The following NEIL2 variants were observed in gnomAD, a reference collection of about 807,000 sequenced individuals.
The protein encoded by NEIL2 is endonuclease 8-like 2.
In NEIL2, 23 loss-of-function variants were observed where a neutral mutation model predicts 22.2. That is an observed-to-expected ratio of 1.04 (90% CI 0.75 to 1.47). The LOEUF (loss-of-function observed/expected upper bound fraction) is 1.47, where lower values mean the gene tolerates loss of function less well. Ranked by LOEUF, NEIL2 falls within the 40% of genes most tolerant of loss-of-function variation. NEIL2 has a pLI of 0.00. For missense variants in NEIL2, 583 were observed against 404.7 expected (o/e 1.44, Z -3.78); for synonymous variants, 229 against 164.8 (o/e 1.39, Z -2.99).
intron 2 of NEIL2, among the ~76,000 whole-genome samples, chr8:11,776,019 A>G (rs1014831387): frequency 1.3e-5 from 2 of 152,230 alleles, no homozygotes; most frequent in South Asian, 2.1e-4. Context: ...ATGTCTTTAC[A>G]GCAATGCCCC....
chr8:11,775,059 C>T (rs934195747), intron 2 of NEIL2, among the ~76,000 whole-genome samples: 2 of 152,262 alleles, frequency 1.3e-5, no homozygotes, highest in Non-Finnish European at 2.9e-5. Flanking sequence ...TGGCCCTCTT[C>T]TCACAGCTCT....
At chr8:11,782,967 G>A in intron 3 of NEIL2, 1 of 592,960 alleles carries the variant, frequency 1.7e-6, no homozygotes, top group South Asian at 1.9e-5. Flanking sequence ...ACTATGTTGT[G>A]GTAATGATGT....
chr8:11,778,093 C>T (rs1169904410), intron 2 of NEIL2, among the ~76,000 whole-genome samples: 1 of 152,188 alleles, frequency 6.6e-6, no homozygotes, highest in African/African-American at 2.4e-5. Context: ...GTCACAGGAA[C>T]CCAAAAGAGG....
chr8:11,777,540 T>G (rs1449627742), intron 2 of NEIL2, among the ~76,000 whole-genome samples: 1 of 152,074 alleles, frequency 6.6e-6, no homozygotes, highest in Non-Finnish European at 1.5e-5. Context: ...CCCCCTTTCC[T>G]CCCTCCCTGC....
chr8:11,776,124 G>T (rs1420385729), intron 2 of NEIL2, among the ~76,000 whole-genome samples: 1 of 152,222 alleles, frequency 6.6e-6, no homozygotes, highest in African/African-American at 2.4e-5. Context: ...GAGGTTTAGT[G>T]GACTCACAAT....
rs1179010067 is a variant in NEIL2 at position 11,769,813 on chromosome 8, C to T, written c.-525C>T. ...GCCGGTGAGTGCAGCCGCCCGCCCTCCGGTAGATCTGCGGCCTGGCGGAGA... is the reference window on the plus strand; with the variant it reads ...GCCGGTGAGTGCAGCCGCCCGCCCTTCGGTAGATCTGCGGCCTGGCGGAGA... On this transcript the variant is annotated 5_prime_UTR_variant, in exon 1 of 5. Transcript: ENST00000284503. The T allele has an allele frequency of 6.6e-6, 1 of 152,364 alleles. No individual in the cohort carries two copies. Among genetic ancestry groups the T allele is most frequent in the African/African-American group, 2.4e-5 (1 of 41,462 alleles). The allele number at this position is 152,364 out of a possible 1,614,324, so 9.4% of individuals were successfully genotyped here.
At position 11,779,612 on chromosome 8, in the gene NEIL2, A is replaced by G. The variant is rs147083771; in HGVS notation, c.153A>G (p.Lys51=). 3.8e-5 allele frequency: 61 copies of G among 1,612,590 alleles called. No homozygotes were observed. In the African/African-American group the frequency reaches 7.7e-4, roughly 20 times the overall value. The change falls in exon 3 of 5, where the codon AAA becomes AAG. Residue 51 remains lysine, a synonymous_variant. Coordinates refer to ENST00000284503, the MANE Select transcript of NEIL2 (RefSeq NM_145043.4). ...ATTTTTTCTAGGTCCATGGAAAGAA[A>G]TTATTCCTTAGATTTGATCTAGATG... is the stretch of plus-strand genomic sequence containing the variant. ...WLQDTQVHGK[K]LFLRFDLDEE... is the part of the protein sequence containing the mutation.
chr8:11,786,027 C>G lies in NEIL2; in HGVS notation c.753C>G (p.Val251=). The part of the protein sequence containing the change: ...AGIHPLSLGS[V]LSASRREVLV... ...TCCATCCCCTTTCTCTCGGTTCAGT[C>G]CTGAGTGCCTCGCGTCGGGAGGTCC... is the stretch of plus-strand genomic sequence containing the variant. The change falls in exon 5 of 5, where the codon GTC becomes GTG. Residue 251 remains valine (V), a synonymous_variant. Transcript: ENST00000284503. The G allele has an allele frequency of 6.2e-7, 1 of 1,614,174 alleles. No homozygotes were observed. Among genetic ancestry groups the G allele is most frequent in the Non-Finnish European group, 8.5e-7 (1 of 1,180,018 alleles).
intron 3 of NEIL2, among the ~76,000 whole-genome samples, chr8:11,780,176 G>A (rs1187893927): frequency 1.3e-5 from 2 of 152,166 alleles, no homozygotes; most frequent in Admixed American, 6.5e-5. Flanking sequence ...TGGGAGAAGG[G>A]GAGAATTTTC....
rs540096287 is a variant in NEIL2, at chr8:11,771,672, C to G, written c.138+87C>G. ...TATCCCCATATGTCTCAGGGTGTCACTTCCCTGAGTCCGGAACCACCAAGC... is the reference window on the plus strand; with the variant it reads ...TATCCCCATATGTCTCAGGGTGTCAGTTCCCTGAGTCCGGAACCACCAAGC... On this transcript the variant is annotated intron_variant, in intron 2 of 4. Coordinates refer to ENST00000284503, the MANE Select transcript of NEIL2 (RefSeq NM_145043.4). 20 of 1,406,374 alleles carry G rather than the reference C, an allele frequency of 1.4e-5. No individual in the cohort carries two copies. In the African/African-American group the frequency reaches 2.5e-4, roughly 18 times the overall value. The allele number at this position is 1,406,374 out of a possible 1,614,324, so 87.1% of individuals were successfully genotyped here. A position where few individuals can be genotyped will look rare whatever the true frequency, so the allele number is the denominator to read the frequency against.
intron 2 of NEIL2, among the ~76,000 whole-genome samples, chr8:11,778,718 A>G (rs1390266654): frequency 1.3e-5 from 2 of 152,082 alleles, no homozygotes; most frequent in Non-Finnish European, 2.9e-5. Context: ...TTGGGAGGCC[A>G]AGACGGGCAG....
intron 4 of NEIL2, 131 bp from the exon 5 acceptor site, chr8:11,785,832 C>A: frequency 1.2e-6 from 1 of 813,774 alleles, no homozygotes; most frequent in Non-Finnish European, 2.2e-6. Context: ...GAAATGGAGT[C>A]AGAGATCGCA....
At chr8:11,785,893 A>G (rs1804883873) in intron 4 of NEIL2, 70 bp from the exon 5 acceptor site, 1 of 1,421,102 alleles carries the variant, frequency 7.0e-7, no homozygotes, top group Non-Finnish European at 9.9e-7. Flanking sequence ...CTGCCTTGTT[A>G]ACTTTGTGGG....
intron 4 of NEIL2, among the ~76,000 whole-genome samples, chr8:11,783,830 T>C (rs185010057): frequency 4.6e-5 from 7 of 152,230 alleles, no homozygotes; most frequent in South Asian, 2.1e-4. Context: ...TGCTCTTGGG[T>C]GGATGGAGCT....
chr8:11,771,587 T>A lies in NEIL2; in HGVS notation c.138+2T>A. The A allele has an allele frequency of 6.2e-7, 1 of 1,613,470 alleles. No homozygotes were observed. The highest frequency in any genetic ancestry group is 8.5e-7 in the Non-Finnish European group (1 of 1,179,690). On this transcript the variant is annotated splice_donor_variant, in intron 2 of 4. Coordinates refer to ENST00000284503, the MANE Select transcript of NEIL2 (RefSeq NM_145043.4). LOFTEE classifies it high-confidence loss of function. Reference sequence around the variant, plus strand: ...TCTCTGTGGCTCCAGGACACCCAGGTGAGGTAATACTCCTCTGAAGGGTTG... The same window carrying A: ...TCTCTGTGGCTCCAGGACACCCAGGAGAGGTAATACTCCTCTGAAGGGTTG...
intron 2 of NEIL2, among the ~76,000 whole-genome samples, chr8:11,776,093 C>T (rs1259877669): frequency 1.3e-5 from 2 of 152,182 alleles, no homozygotes; most frequent in African/African-American, 4.8e-5. Context: ...ATAACCAAGA[C>T]TTGGTAATTT....
In NEIL2 at chr8:11,771,556, C is replaced by CTGCA; in HGVS notation, c.110_113dup (p.Gln38HisfsTer19). The CTGCA allele has an allele frequency of 6.2e-7, 1 of 1,614,112 alleles. No individual in the cohort carries two copies. The highest frequency in any genetic ancestry group is 8.5e-7 in the Non-Finnish European group (1 of 1,180,006). On this transcript the variant is annotated frameshift_variant, in exon 2 of 5. Coordinates refer to ENST00000284503, the MANE Select transcript of NEIL2 (RefSeq NM_145043.4). LOFTEE classifies it high-confidence loss of function. Reference sequence around the variant, plus strand: ...CAGTAAGAAGCTACAGCCCGCCAGCCTGCAGTCTCTGTGGCTCCAGGACAC... The same window carrying CTGCA: ...CAGTAAGAAGCTACAGCCCGCCAGCCTGCATGCAGTCTCTGTGGCTCCAGGACAC...
chr8:11,784,558 G>C (rs910238398), intron 4 of NEIL2, among the ~76,000 whole-genome samples: 1 of 152,124 alleles, frequency 6.6e-6, no homozygotes, highest in Admixed American at 6.5e-5. Context: ...GAAACAGCAG[G>C]AATTTCCTTC....
In NEIL2 at chr8:11,786,558, A is replaced by C; in HGVS notation, c.*285A>C. 4.1e-6 allele frequency: 2 copies of C among 492,116 alleles called. No individual in the cohort carries two copies. The highest frequency in any genetic ancestry group is 7.4e-6 in the Non-Finnish European group (2 of 270,534). The allele number at this position is 492,116 out of a possible 1,614,324, so 30.5% of individuals were successfully genotyped here. A position where few individuals can be genotyped will look rare whatever the true frequency, so the allele number is the denominator to read the frequency against. On this transcript the variant is annotated 3_prime_UTR_variant, in exon 5 of 5. Transcript: ENST00000284503. Reference sequence around the variant, plus strand: ...GTAAGGGGAAAACTTCCCGGAAGGCAATGGGGCAAGGAAAAAGAAAGCCTA... The same window carrying C: ...GTAAGGGGAAAACTTCCCGGAAGGCCATGGGGCAAGGAAAAAGAAAGCCTA...
Sources: allele counts gnomAD v4.1 joint callset (sites outside exome capture counted in the v4.1 genomes callset), GRCh38; gene constraint gnomAD v4.1.1; transcripts MANE v1.5; gene names NCBI Gene and HGNC (gene_info 2026-07-23, HGNC 2026-07-21).